CEACAM3: variants seen among roughly 807,000 people sequenced by gnomAD.
CEACAM3 encodes CEA cell adhesion molecule 3.
In CEACAM3, 32 loss-of-function variants were observed where a neutral mutation model predicts 30.1. That is an observed-to-expected ratio of 1.06 (90% CI 0.80 to 1.43). The LOEUF (loss-of-function observed/expected upper bound fraction) is 1.43, where lower values mean the gene tolerates loss of function less well. Ranked by LOEUF, CEACAM3 falls within the 40% of genes most tolerant of loss-of-function variation. The pLI is 0.00. For missense variants in CEACAM3, 290 were observed against 316.3 expected (o/e 0.92, Z 0.63); for synonymous variants, 134 against 127.2 (o/e 1.05, Z -0.36).
chr19:41,810,410 G>C, intron 5 of CEACAM3, 56 bp downstream of exon 5: 1 of 1,541,922 alleles, frequency 6.5e-7, no homozygotes, highest in South Asian at 1.2e-5. Flanking sequence ...TGCAGGCTCT[G>C]GGCAGAGGGA....
In CEACAM3 at chr19:41,797,825, A is replaced by G; in HGVS notation, c.301A>G (p.Ile101Val). 2 of 1,613,086 alleles carry G rather than the reference A, an allele frequency of 1.2e-6. No homozygotes were observed. Among genetic ancestry groups the G allele is most frequent in the South Asian group, 1.1e-5 (1 of 91,084 alleles). Residue 101 changes from isoleucine to valine, a missense_variant, in exon 2 of 7, where the codon ATA (isoleucine) becomes GTA (valine). Ile to Val is a conservative substitution (Grantham distance 29). Transcript: ENST00000357396. Reference protein sequence around the residue: ...PGAAYSGRETIYTNASLLIQN... With the variant: ...PGAAYSGRETVYTNASLLIQN... ...GGCCGCATACAGCGGTCGAGAGACA[A>G]TATACACCAATGCATCCCTGCTGAT... is the stretch of plus-strand genomic sequence containing the variant.
chr19:41,800,320 C>A (rs191370655), intron 2 of CEACAM3, among the ~76,000 whole-genome samples: 41 of 152,250 alleles, frequency 2.7e-4, no homozygotes, highest in Admixed American at 2.7e-3. Context: ...GTGACACTAG[C>A]GCCTGGGAAG....
chr19:41,798,023 C>T lies in CEACAM3; in HGVS notation c.424+75C>T, dbSNP rs920349828. ...CACATATGGGATTGTCAGGCCTGGG[C>T]TGTGCCTGTGGCCCTCTCTGCATTA... On this transcript the variant is annotated intron_variant, in intron 2 of 6. Coordinates refer to ENST00000357396, the MANE Select transcript of CEACAM3 (RefSeq NM_001815.5). 452 of 1,542,088 alleles carry T rather than the reference C, an allele frequency of 2.9e-4. 1 individual carries two copies. The Middle Eastern group carries it at 3.0e-3, about 10-fold the overall frequency.
chr19:41,810,844 T>C lies in CEACAM3; in HGVS notation c.640T>C (p.Ser214Pro). The change falls in exon 6 of 7, where the codon TCC becomes CCC. Residue 214 changes from serine to proline, a missense_variant. By Grantham distance (74) the Ser-to-Pro change is moderately conservative (BLOSUM62 -1). Transcript: ENST00000357396. ...TCCCTGTCCACAGATGTCCCCTCTC[T>C]CCACTGCCCAGGCCCCCCTACCCAA... ...HSSAFSMSPL[S>P]TAQAPLPNPR... 6.2e-7 allele frequency: 1 copy of C among 1,612,886 alleles called. No homozygotes were observed. Among genetic ancestry groups the C allele is most frequent in the African/African-American group, 1.3e-5 (1 of 74,918 alleles).
chr19:41,804,265 G>A (rs2073181012), intron 2 of CEACAM3, among the ~76,000 whole-genome samples: 1 of 115,000 alleles, frequency 8.7e-6, no homozygotes, highest in African/African-American at 2.5e-5. Context: ...TGGGCCCACT[G>A]CTTGTTCCAC....
chr19:41,810,240 G>T, intron 4 of CEACAM3, 83 bp from the exon 5 acceptor site: 2 of 1,513,380 alleles, frequency 1.3e-6, no homozygotes, highest in Non-Finnish European at 9.0e-7. Flanking sequence ...AGGTATCTTA[G>T]AGCTGAGGAC....
At chr19:41,803,166 C>T (rs1269905421) in intron 2 of CEACAM3, among the ~76,000 whole-genome samples, 1 of 152,174 alleles carries the variant, frequency 6.6e-6, no homozygotes, top group Non-Finnish European at 1.5e-5. Context: ...TAAAACAACT[C>T]TGGTTAATAC....
chr19:41,810,224 C>G (rs185987443), intron 4 of CEACAM3, 99 bp from the exon 5 acceptor site: 1 of 1,473,096 alleles, frequency 6.8e-7, no homozygotes, highest in East Asian at 2.4e-5. Flanking sequence ...CCAACCTCAG[C>G]TGCTCAGGTA....
intron 2 of CEACAM3, chr19:41,807,283 C>A: frequency 6.2e-7 from 1 of 1,608,544 alleles, no homozygotes; most frequent in Non-Finnish European, 8.5e-7. Flanking sequence ...ACAAGAGGAC[C>A]CTCACTCTAC....
Position 41,797,965 on chromosome 19 carries a change from GACCTC to G in CEACAM3, c.424+18_424+22del. 6.3e-7 allele frequency: 1 copy of G among 1,582,010 alleles called. No individual in the cohort carries two copies. Among genetic ancestry groups the G allele is most frequent in the Admixed American group, 1.7e-5 (1 of 57,556 alleles). On this transcript the variant is annotated intron_variant, in intron 2 of 6. Transcript: ENST00000357396. ...ATGTATACCGTGAGTATTTCCACAT[GACCTC>G]TGGGTGTTGGGGGTCAGTTCTACTT...
rs1397693749 is a variant in CEACAM3, at chr19:41,810,037, A to G, written c.595+20A>G. 6.2e-7 allele frequency: 1 copy of G among 1,611,922 alleles called. No homozygotes were observed. The highest frequency in any genetic ancestry group is 1.7e-5 in the Admixed American group (1 of 59,902). On this transcript the variant is annotated intron_variant, in intron 4 of 6. Coordinates refer to ENST00000357396, the MANE Select transcript of CEACAM3 (RefSeq NM_001815.5). Reference sequence around the variant, plus strand: ...CCCCTGGTGAGTGTCCTCTCAGCCCAGGTGTGGCTGGGAACCCCTAGGACA... The same window carrying G: ...CCCCTGGTGAGTGTCCTCTCAGCCCGGGTGTGGCTGGGAACCCCTAGGACA...
intron 2 of CEACAM3, among the ~76,000 whole-genome samples, chr19:41,808,139 C>A (rs530388245): frequency 6.6e-6 from 1 of 152,250 alleles, no homozygotes; most frequent in Admixed American, 6.5e-5. Flanking sequence ...CAAGCAAATC[C>A]CAAACTCTAC....
chr19:41,806,647 T>C (rs1555826804), intron 2 of CEACAM3, among the ~76,000 whole-genome samples: 1 of 152,174 alleles, frequency 6.6e-6, no homozygotes, highest in African/African-American at 2.4e-5. Context: ...GACACACACA[T>C]CTGTCTTCGT....
chr19:41,800,448 CTT>C (rs2073136929), intron 2 of CEACAM3, among the ~76,000 whole-genome samples: 1 of 152,114 alleles, frequency 6.6e-6, no homozygotes, highest in Non-Finnish European at 1.5e-5. Flanking sequence ...TTAGAGAAGA[CTT>C]TGCTCCTCCA....
At chr19:41,802,378 A>G (rs2123000277) in intron 2 of CEACAM3, among the ~76,000 whole-genome samples, 1 of 152,384 alleles carries the variant, frequency 6.6e-6, no homozygotes, top group Middle Eastern at 3.4e-3. Flanking sequence ...TAGATCCCTC[A>G]GAGAAGCTAG....
intron 2 of CEACAM3, among the ~76,000 whole-genome samples, chr19:41,803,409 CAA>C (rs2073167471): frequency 6.7e-6 from 1 of 149,158 alleles, no homozygotes; most frequent in African/African-American, 2.5e-5. Context: ...AACTGAACAG[CAA>C]AGTTTTGTGT....
intron 2 of CEACAM3, among the ~76,000 whole-genome samples, chr19:41,804,038 G>A (rs756837781): frequency 5.0e-4 from 76 of 151,422 alleles, no homozygotes; most frequent in East Asian, 3.9e-4. Context: ...CCAAGATAGC[G>A]CGATTTCACT....
intron 2 of CEACAM3, chr19:41,807,764 C>T (rs1190980681): frequency 2.9e-5 from 16 of 551,004 alleles, no homozygotes; most frequent in African/African-American, 5.9e-5. Context: ...ACTTTATTCT[C>T]GCTACTCCAG....
chr19:41,807,235 G>T, intron 2 of CEACAM3: 1 of 1,609,426 alleles, frequency 6.2e-7, no homozygotes, highest in South Asian at 1.1e-5. Context: ...TAAATGGTCA[G>T]AGCCTCCCGG....
Sources: gnomAD v4.1 joint callset for allele counts (sites outside exome capture counted in the v4.1 genomes callset) on GRCh38, gnomAD v4.1.1 for gene constraint, MANE v1.5 for transcripts, NCBI Gene and HGNC (gene_info 2026-07-23, HGNC 2026-07-21) for gene names.